The following ZCCHC2 variants were observed in gnomAD, a reference collection of about 807,000 sequenced individuals.
ZCCHC2 encodes zinc finger CCHC domain-containing protein 2.
Under a neutral mutation model 103.6 loss-of-function variants are expected in ZCCHC2, and 39 were observed. The observed-to-expected ratio is 0.38, with a 90% CI of 0.29 to 0.49. The LOEUF (loss-of-function observed/expected upper bound fraction) is 0.49, where lower values mean the gene tolerates loss of function less well. Ranked by LOEUF, ZCCHC2 falls within the 20% of genes least tolerant of loss-of-function variation. The pLI is 0.96. For synonymous variants in ZCCHC2, 687 were observed against 608.9 expected (o/e 1.13, Z -1.89); for missense variants, 1,483 against 1,491.0 (o/e 0.99, Z 0.09).
intron 9 of ZCCHC2, 82 bp downstream of exon 9, chr18:62,563,226 A>T (rs534601479): frequency 1.3e-6 from 2 of 1,490,370 alleles, no homozygotes; most frequent in African/African-American, 2.8e-5. Context: ...GTAAGCTTTC[A>T]GTCAGACAGT....
Position 62,544,786 on chromosome 18 carries a change from G to GT in ZCCHC2, c.1129-8dup, listed in dbSNP as rs3216160. On this transcript the variant is annotated splice_polypyrimidine_tract_variant and intron_variant, in intron 3 of 13. Coordinates refer to ENST00000269499, the MANE Select transcript of ZCCHC2 (RefSeq NM_017742.6). Reference sequence around the variant, plus strand: ...TAGGGAATAACCATATAATATGTGTGTTTTTTTTAAATCAGGTAAATTGGT... The same window carrying GT: ...TAGGGAATAACCATATAATATGTGTGTTTTTTTTTAAATCAGGTAAATTGGT... 2.7e-5 allele frequency: 41 copies of GT among 1,491,266 alleles called. No individual in the cohort carries two copies. Among genetic ancestry groups the GT allele is most frequent in the East Asian group, 1.3e-4 (5 of 38,832 alleles). The allele number at this position is 1,491,266 out of a possible 1,614,324, so 92.4% of individuals were successfully genotyped here. A position where few individuals can be genotyped will look rare whatever the true frequency, so the allele number is the denominator to read the frequency against.
intron 11 of ZCCHC2, among the ~76,000 whole-genome samples, chr18:62,568,900 C>G (rs1323487130): frequency 6.6e-6 from 1 of 152,192 alleles, no homozygotes; most frequent in Non-Finnish European, 1.5e-5. Context: ...TTCAAGCAGC[C>G]ATTGGTGGTG....
At chr18:62,567,255 A>G (rs1301122794) in intron 11 of ZCCHC2, among the ~76,000 whole-genome samples, 2 of 152,250 alleles carry the variant, frequency 1.3e-5, no homozygotes, top group African/African-American at 2.4e-5. Flanking sequence ...TAAACTCAGT[A>G]CGTGCCTAAG....
intron 2 of ZCCHC2, among the ~76,000 whole-genome samples, chr18:62,540,910 GAAA>G (rs1373250216): frequency 6.6e-6 from 1 of 152,096 alleles, no homozygotes; most frequent in Non-Finnish European, 1.5e-5. Flanking sequence ...GACAGAACTT[GAAA>G]TTATCACTGA....
At chr18:62,559,534 A>G (rs1393808616) in intron 7 of ZCCHC2, among the ~76,000 whole-genome samples, 1 of 152,236 alleles carries the variant, frequency 6.6e-6, no homozygotes, top group Non-Finnish European at 1.5e-5. Flanking sequence ...TGATGGGGAT[A>G]TAAATTGACA....
intron 12 of ZCCHC2, 88 bp downstream of exon 12, chr18:62,570,319 A>G: frequency 6.7e-7 from 1 of 1,498,672 alleles, no homozygotes; most frequent in Non-Finnish European, 9.0e-7. Context: ...GTCAAAGTCA[A>G]ACAAGGAATT....
chr18:62,566,572 C>G (rs188922337), intron 11 of ZCCHC2, among the ~76,000 whole-genome samples: 109 of 152,314 alleles, frequency 7.2e-4, no homozygotes, highest in African/African-American at 2.5e-3. Context: ...GAATGAAATT[C>G]CTGCCCTCCA....
intron 1 of ZCCHC2, among the ~76,000 whole-genome samples, chr18:62,527,526 G>T (rs762919373): frequency 6.6e-5 from 10 of 152,146 alleles, no homozygotes; most frequent in Non-Finnish European, 1.2e-4. Flanking sequence ...CTATTATTTG[G>T]ATGACTTTAT....
intron 3 of ZCCHC2, among the ~76,000 whole-genome samples, chr18:62,543,695 A>C (rs1289601165): frequency 6.6e-6 from 1 of 152,084 alleles, no homozygotes; most frequent in Non-Finnish European, 1.5e-5. Flanking sequence ...TTGACACCCC[A>C]GTTCATGTGC....
intron 1 of ZCCHC2, chr18:62,539,479 A>C: frequency 2.1e-6 from 1 of 469,408 alleles, no homozygotes; most frequent in Non-Finnish European, 3.9e-6. Context: ...CAAGAAAGCT[A>C]GGACAGTCAA....
rs1243869685 is a variant in ZCCHC2, at chr18:62,523,688, C to G, written c.264C>G (p.Pro88=). Residue 88 remains proline, a synonymous_variant, in exon 1 of 14, where the codon CCC becomes CCG. Coordinates refer to ENST00000269499, the MANE Select transcript of ZCCHC2 (RefSeq NM_017742.6). ...GAGMPGGGGG[P]SAALREQERV... Reference sequence around the variant, plus strand: ...GTATGCCGGGCGGCGGCGGGGGGCCCTCGGCGGCGCTGCGCGAGCAGGAGC... The same window carrying G: ...GTATGCCGGGCGGCGGCGGGGGGCCGTCGGCGGCGCTGCGCGAGCAGGAGC... 2 of 1,394,908 alleles carry G rather than the reference C, an allele frequency of 1.4e-6. No individual in the cohort carries two copies. The highest frequency in any genetic ancestry group is 1.9e-6 in the Non-Finnish European group (2 of 1,077,818). The allele number at this position is 1,394,908 out of a possible 1,614,324, so 86.4% of individuals were successfully genotyped here. A position where few individuals can be genotyped will look rare whatever the true frequency, so the allele number is the denominator to read the frequency against.
chr18:62,548,416 A>C (rs1915512866), intron 4 of ZCCHC2, among the ~76,000 whole-genome samples: 2 of 152,168 alleles, frequency 1.3e-5, no homozygotes, highest in South Asian at 4.1e-4. Flanking sequence ...AACTGTCAAT[A>C]GTTATACGCT....
intron 11 of ZCCHC2, among the ~76,000 whole-genome samples, chr18:62,567,906 C>CT (rs1417994773): frequency 7.5e-6 from 1 of 132,908 alleles, no homozygotes; most frequent in Admixed American, 8.5e-5. Context: ...GATTGCACCA[C>CT]TGTACTCCAG....
intron 1 of ZCCHC2, among the ~76,000 whole-genome samples, chr18:62,534,873 G>A (rs895248640): frequency 5.9e-5 from 9 of 152,242 alleles, no homozygotes; most frequent in Admixed American, 2.6e-4. Flanking sequence ...ATAATAACTA[G>A]TGGTGTGAAA....
At chr18:62,553,156 A>ATGTGTGTGTG (rs142422088) in intron 5 of ZCCHC2, among the ~76,000 whole-genome samples, 28 of 139,856 alleles carry the variant, frequency 2.0e-4, no homozygotes, top group African/African-American at 6.2e-4. Context: ...CCTTAGATTT[A>ATGTGTGTGTG]TGTGTGTGTG....
Position 62,523,264 on chromosome 18 carries a change from C to CGT in ZCCHC2, c.-160_-159insTG. 1 of 606,582 alleles carries CGT rather than the reference C, an allele frequency of 1.6e-6. No homozygotes were observed. Among genetic ancestry groups the CGT allele is most frequent in the Non-Finnish European group, 2.1e-6 (1 of 483,880 alleles). The allele number at this position is 606,582 out of a possible 1,614,324, so 37.6% of individuals were successfully genotyped here. On this transcript the variant is annotated 5_prime_UTR_variant, in exon 1 of 14. Coordinates refer to ENST00000269499, the MANE Select transcript of ZCCHC2 (RefSeq NM_017742.6). Reference sequence around the variant, plus strand: ...GCCAGCGACCCCGCCGGCCGGCCACCGCCCCCCTCGCCGGCCGAGACCCGC... The same window carrying CGT: ...GCCAGCGACCCCGCCGGCCGGCCACCGTGCCCCCCTCGCCGGCCGAGACCCGC...
chr18:62,527,624 G>A (rs1337462355), intron 1 of ZCCHC2, among the ~76,000 whole-genome samples: 1 of 152,076 alleles, frequency 6.6e-6, no homozygotes, highest in Non-Finnish European at 1.5e-5. Context: ...ACACAACTGC[G>A]GTGGACTGCC....
intron 5 of ZCCHC2, chr18:62,552,076 G>C (rs575777910): frequency 6.6e-6 from 1 of 152,206 alleles, no homozygotes; most frequent in African/African-American, 2.4e-5. Context: ...GAGGGGGAGA[G>C]TATTTTCATG....
Position 62,529,255 on chromosome 18 carries a change from G to A in ZCCHC2, c.939+4892G>A, listed in dbSNP as rs530254827. 4.0e-5 allele frequency among the ~76,000 whole-genome samples: 6 copies of A among 151,700 alleles called. No individual in the cohort carries two copies. The South Asian group carries it at 1.2e-3, about 31-fold the overall frequency. On this transcript the variant is annotated intron_variant, in intron 1 of 13. Coordinates refer to ENST00000269499, the MANE Select transcript of ZCCHC2 (RefSeq NM_017742.6). Reference sequence around the variant, plus strand: ...AAATACCTTTATTTAACTGACCCCTGCTGCTGGGTTATTTGATATTTTAAA... The same window carrying A: ...AAATACCTTTATTTAACTGACCCCTACTGCTGGGTTATTTGATATTTTAAA...
Sources: allele counts gnomAD v4.1 joint callset (sites outside exome capture counted in the v4.1 genomes callset), GRCh38; gene constraint gnomAD v4.1.1; transcripts MANE v1.5; gene names NCBI Gene and HGNC (gene_info 2026-07-23, HGNC 2026-07-21).